Variants in ANKRD18A observed in about 807,000 individuals in gnomAD.
ANKRD18A encodes ankyrin repeat domain 18A, also known as ankyrin repeat domain-containing protein 18A.
A neutral mutation model predicts 110.6 loss-of-function variants in ANKRD18A; 72 were observed. The ratio of observed to expected loss-of-function variants is 0.65; its 90% CI spans 0.54 to 0.79. ANKRD18A has a LOEUF of 0.79. ANKRD18A is among the 30% of genes least tolerant of loss of function. The pLI is 0.00. For missense variants in ANKRD18A, 934 were observed against 1,163.3 expected (o/e 0.80, Z 2.87); for synonymous variants, 305 against 410.3 (o/e 0.74, Z 3.10).
chr9:38,593,101 T>A (rs1226454434), intron 10 of ANKRD18A, among the ~76,000 whole-genome samples: 1 of 152,238 alleles, frequency 6.6e-6, no homozygotes, highest in Non-Finnish European at 1.5e-5. Flanking sequence ...GTGAATTATC[T>A]CTCAGTGAAA....
In ANKRD18A at chr9:38,601,135, G is replaced by T; in HGVS notation, c.932C>A (p.Pro311Gln). The T allele has an allele frequency of 1.3e-6, 2 of 1,555,270 alleles. No individual in the cohort carries two copies. The highest frequency in any genetic ancestry group is 8.7e-7 in the Non-Finnish European group (1 of 1,148,740). Residue 311 changes from proline (P) to glutamine (Q), a missense_variant, in exon 8 of 16, where the codon CCA becomes CAA. Coordinates refer to ENST00000399703, the MANE Select transcript of ANKRD18A (RefSeq NM_147195.4). Reference protein sequence around the residue: ...ERLQRSENKQPQDSQSYGKKK... With the variant: ...ERLQRSENKQQQDSQSYGKKK... ...GAAATTTAAATTGTTACATACCTGTGGCTGTTTATTTTCACTTCTTTGGAG... is the reference window on the plus strand; with the variant it reads ...GAAATTTAAATTGTTACATACCTGTTGCTGTTTATTTTCACTTCTTTGGAG...
chr9:38,574,546 T>C (rs745528631), intron 15 of ANKRD18A, among the ~76,000 whole-genome samples: 24 of 151,960 alleles, frequency 1.6e-4, no homozygotes, highest in Non-Finnish European at 3.1e-4. Flanking sequence ...CAAACTCCTG[T>C]CCTCAGGTGA....
chr9:38,601,089 A>C, intron 8 of ANKRD18A, 42 bp downstream of exon 8: 1 of 1,521,214 alleles, frequency 6.6e-7, no homozygotes, highest in South Asian at 1.2e-5. Context: ...AAAAACAAAC[A>C]AACAAACCAG....
At chr9:38,569,128 C>T (rs376631794), downstream of ANKRD18A, 23 of 985,370 alleles carry the variant, frequency 2.3e-5, no homozygotes, top group African/African-American at 3.8e-4. Flanking sequence ...CCAAGTAGGG[C>T]GGTTGTCTCT....
chr9:38,612,690 T>C (rs1417926105), intron 3 of ANKRD18A, among the ~76,000 whole-genome samples: 3 of 151,910 alleles, frequency 2.0e-5, no homozygotes, highest in African/African-American at 4.8e-5. Context: ...GCTAACTTTT[T>C]GTATTTTTAG....
chr9:38,614,093 G>C (rs995051354), intron 3 of ANKRD18A, among the ~76,000 whole-genome samples: 3 of 152,080 alleles, frequency 2.0e-5, no homozygotes, highest in Non-Finnish European at 4.4e-5. Flanking sequence ...AGAAAACTTT[G>C]AAGAAAGTAG....
chr9:38,600,267 G>T (rs1212568789), intron 8 of ANKRD18A, among the ~76,000 whole-genome samples: 2 of 152,170 alleles, frequency 1.3e-5, no homozygotes, highest in African/African-American at 4.8e-5. Flanking sequence ...CTCTTGAAAA[G>T]ATTTTTACCT....
In ANKRD18A at chr9:38,577,164, A is replaced by G. The variant is rs753249427; in HGVS notation, c.2630T>C (p.Phe877Ser). ...TTCATAAGCAGTTTTCATTTTGGAG[A>G]ATTTACATTCCACATCTTTAAGTGT... The part of the protein sequence containing the change: ...ELTLKDVECK[F>S]SKMKTAYEEV... The change falls in exon 14 of 16, where the codon TTC becomes TCC. Residue 877 changes from phenylalanine to serine, a missense_variant. Around this residue, in one of 4 missense-constraint regions of ANKRD18A, gnomAD observed 223 missense variants for 226.7 expected, o/e 0.98. Coordinates refer to ENST00000399703, the MANE Select transcript of ANKRD18A (RefSeq NM_147195.4). The G allele has an allele frequency of 3.9e-6, 6 of 1,549,036 alleles. No individual in the cohort carries two copies.
intron 1 of ANKRD18A, among the ~76,000 whole-genome samples, chr9:38,616,494 C>T (rs1268508629): frequency 6.6e-6 from 1 of 152,214 alleles, no homozygotes. Flanking sequence ...GCTCTGTTGC[C>T]CAGGCTGGAG....
Position 38,575,635 on chromosome 9 carries a change from A to G in ANKRD18A, c.2805T>C (p.Tyr935=). ...KLFTEKQRMK[Y]FLSTLPTRPE... ...GCCTTGTAGGAAGAGTGCTGAGAAA[A>G]TATTTCATCCGCTGTTTCTCCGTAA... is the stretch of plus-strand genomic sequence containing the variant. The change falls in exon 15 of 16, where the codon TAT becomes TAC. Residue 935 remains tyrosine (Y), a synonymous_variant. Coordinates refer to ENST00000399703, the MANE Select transcript of ANKRD18A (RefSeq NM_147195.4). The G allele has an allele frequency of 6.4e-7, 1 of 1,551,724 alleles. No individual in the cohort carries two copies. Among genetic ancestry groups the G allele is most frequent in the Non-Finnish European group, 8.7e-7 (1 of 1,146,880 alleles).
chr9:38,588,485 T>C, intron 11 of ANKRD18A, 66 bp downstream of exon 11: 1 of 1,045,542 alleles, frequency 9.6e-7, no homozygotes, highest in African/African-American at 1.7e-5. Flanking sequence ...AAAGTTTTAG[T>C]CAAGTAAAGT....
In ANKRD18A at chr9:38,603,147, C is replaced by T. The variant is rs1048925791; in HGVS notation, c.862+12G>A. ...TTTACATGGTTAGGAGTAGAGAACT[C>T]AAGTGTCTTACCTTTTGCACGTTCT... is the stretch of plus-strand genomic sequence containing the variant. On this transcript the variant is annotated intron_variant, in intron 7 of 15. Coordinates refer to ENST00000399703, the MANE Select transcript of ANKRD18A (RefSeq NM_147195.4). 1.9e-6 allele frequency: 3 copies of T among 1,549,998 alleles called. No homozygotes were observed. In the African/African-American group the frequency reaches 4.1e-5, roughly 21 times the overall value.
Position 38,620,378 on chromosome 9 carries a change from T to G in ANKRD18A, c.-93A>C. On this transcript the variant is annotated 5_prime_UTR_variant, in exon 1 of 16. Coordinates refer to ENST00000399703, the MANE Select transcript of ANKRD18A (RefSeq NM_147195.4). ...CCCACTCCGCCCCAAATCCGCGATC[T>G]CCCCCGCAACCCGCGATCCCCCCCG... 1 of 728,714 alleles carries G rather than the reference T, an allele frequency of 1.4e-6. No individual in the cohort carries two copies. Among genetic ancestry groups the G allele is most frequent in the Non-Finnish European group, 1.9e-6 (1 of 535,270 alleles). The allele number at this position is 728,714 out of a possible 1,614,324, so 45.1% of individuals were successfully genotyped here. A position where few individuals can be genotyped will look rare whatever the true frequency, so the allele number is the denominator to read the frequency against.
Position 38,595,488 on chromosome 9 carries a change from C to G in ANKRD18A, c.1852G>C (p.Glu618Gln). 6.8e-7 allele frequency: 1 copy of G among 1,469,482 alleles called. No homozygotes were observed. Among genetic ancestry groups the G allele is most frequent in the South Asian group, 1.4e-5 (1 of 69,012 alleles). The allele number at this position is 1,469,482 out of a possible 1,614,324, so 91.0% of individuals were successfully genotyped here. A position where few individuals can be genotyped will look rare whatever the true frequency, so the allele number is the denominator to read the frequency against. Residue 618 changes from glutamate to glutamine, a missense_variant and splice_region_variant, in exon 9 of 16, where the codon GAA (glutamate) becomes CAA (glutamine). Transcript: ENST00000399703. ...LQCEKEKAER[E>Q]VIVREFQEEL... Reference sequence around the variant, plus strand: ...TTTATAGTTTTCTTCATACTTACTTCTCTTTCTGCTTTTTCTTTTTCACAC... The same window carrying G: ...TTTATAGTTTTCTTCATACTTACTTGTCTTTCTGCTTTTTCTTTTTCACAC...
chr9:38,619,879 T>C (rs1430766714), intron 1 of ANKRD18A, among the ~76,000 whole-genome samples: 1 of 152,220 alleles, frequency 6.6e-6, no homozygotes, highest in African/African-American at 2.4e-5. Context: ...ATGCCTAACT[T>C]TGTGAGTTAA....
chr9:38,596,314 A>T lies in ANKRD18A; in HGVS notation c.1026T>A (p.Tyr342Ter), dbSNP rs1261848916. The T allele has an allele frequency of 6.5e-7, 1 of 1,528,152 alleles. No individual in the cohort carries two copies. The highest frequency in any genetic ancestry group is 2.5e-5 in the East Asian group (1 of 40,738). The allele number at this position is 1,528,152 out of a possible 1,614,324, so 94.7% of individuals were successfully genotyped here. A position where few individuals can be genotyped will look rare whatever the true frequency, so the allele number is the denominator to read the frequency against. ...KDIAMLKEELYAIKNDSLRKE... is the reference protein window; with the variant it reads ...KDIAMLKEEL Reference sequence around the variant, plus strand: ...TTCTGAGACTGTCATTTTTTATTGCATATAATTCCTCTTTGAGCATGGCAA... The same window carrying T: ...TTCTGAGACTGTCATTTTTTATTGCTTATAATTCCTCTTTGAGCATGGCAA... The change falls in exon 9 of 16, where the codon TAT (tyrosine) becomes TAA (stop). Residue 342 changes from tyrosine (Y) to a stop codon, truncating the protein, a stop_gained. Coordinates refer to ENST00000399703, the MANE Select transcript of ANKRD18A (RefSeq NM_147195.4). LOFTEE classifies it high-confidence loss of function.
intron 1 of ANKRD18A, among the ~76,000 whole-genome samples, chr9:38,616,707 C>G (rs992628580): frequency 1.3e-5 from 2 of 152,190 alleles, no homozygotes; most frequent in African/African-American, 4.8e-5. Context: ...CTTCCCACCT[C>G]AGCCTTCCAA....
At chr9:38,576,695 A>T (rs1823908809) in intron 14 of ANKRD18A, among the ~76,000 whole-genome samples, 1 of 152,186 alleles carries the variant, frequency 6.6e-6, no homozygotes, top group Non-Finnish European at 1.5e-5. Context: ...AAATAAATTA[A>T]ACTCACTAAT....
intron 14 of ANKRD18A, among the ~76,000 whole-genome samples, chr9:38,576,832 A>G (rs1214912296): frequency 1.3e-5 from 2 of 152,130 alleles, no homozygotes; most frequent in Admixed American, 6.5e-5. Context: ...TTTTCAGGGG[A>G]AAAAAGCCAC....
Sources: gnomAD v4.1 joint callset for allele counts (sites outside exome capture counted in the v4.1 genomes callset) on GRCh38, gnomAD v4.1.1 for gene constraint, gnomAD v4.1.1 regional missense constraint, MANE v1.5 for transcripts, NCBI Gene and HGNC (gene_info 2026-07-23, HGNC 2026-07-21) for gene names.